The following ZNF652 variants were observed in gnomAD, a reference collection of about 807,000 sequenced individuals.
ZNF652 encodes zinc finger protein 652.
A neutral mutation model predicts 45.2 loss-of-function variants in ZNF652; 16 were observed. That is an observed-to-expected ratio of 0.35 (90% CI 0.24 to 0.54). ZNF652 has a LOEUF of 0.54. Among genes scored for constraint, ZNF652 ranks in the 20% least tolerant of loss-of-function variants. ZNF652 has a pLI of 0.91. For missense variants in ZNF652, 614 were observed against 765.6 expected (o/e 0.80, Z 2.34); for synonymous variants, 250 against 260.6 (o/e 0.96, Z 0.39).
At chr17:49,316,714 G>T (rs1352610849) in intron 2 of ZNF652, 112 bp downstream of exon 2, 6 of 1,141,634 alleles carry the variant, frequency 5.3e-6, no homozygotes, top group Non-Finnish European at 7.4e-6. Context: ...ATAAATTGGT[G>T]AAAACTGTCC....
chr17:49,344,518 ATTTT>A (rs35027750), intron 1 of ZNF652, among the ~76,000 whole-genome samples: 8 of 110,106 alleles, frequency 7.3e-5, no homozygotes, highest in Non-Finnish European at 1.1e-4. Flanking sequence ...TCAAAGCAAA[ATTTT>A]TTTTTTTTTT....
At chr17:49,322,833 C>T (rs904431945) in intron 1 of ZNF652, among the ~76,000 whole-genome samples, 10 of 152,144 alleles carry the variant, frequency 6.6e-5, no homozygotes, top group Non-Finnish European at 1.5e-4. Flanking sequence ...GGCAGTGAGC[C>T]AAGATCGTGC....
chr17:49,330,557 C>T (rs2070012110), intron 1 of ZNF652, among the ~76,000 whole-genome samples: 1 of 151,802 alleles, frequency 6.6e-6, no homozygotes, highest in African/African-American at 2.4e-5. Flanking sequence ...CTATGTTGCC[C>T]AGGCTGGTCT....
At position 49,290,025 on chromosome 17, in the gene ZNF652, CA is replaced by C. The variant is rs1407762459; in HGVS notation, c.*8387del. 2 of 152,292 alleles carry C rather than the reference CA, an allele frequency of 1.3e-5. No individual in the cohort carries two copies. The highest frequency in any genetic ancestry group is 3.9e-4 in the East Asian group (2 of 5,186). 9.4% of individuals were successfully genotyped at this position (152,292 alleles called of 1,614,324 possible). ...GTGATCTCAGTACTGTTGGGGAAAA[CA>C]AAAATAAAAACAAACAAGTTGCACC... is the stretch of plus-strand genomic sequence containing the variant. On this transcript the variant is annotated 3_prime_UTR_variant, in exon 6 of 6. Transcript: ENST00000430262.
downstream of ZNF652, chr17:49,288,458 A>G (rs751928803): frequency 1.3e-5 from 2 of 152,212 alleles, no homozygotes; most frequent in Non-Finnish European, 2.9e-5. Flanking sequence ...AAGGAACAAA[A>G]TCAGGTGGCT....
At chr17:49,336,309 T>C (rs7225318) in intron 1 of ZNF652, among the ~76,000 whole-genome samples, 114,284 of 147,512 alleles carry the variant, frequency 0.77, 44,425 homozygotes, top group African/African-American at 0.83. Context: ...AGGCATGAGC[T>C]GCCATGCCCA....
intron 1 of ZNF652, among the ~76,000 whole-genome samples, chr17:49,330,198 A>T (rs1418011988): frequency 6.6e-6 from 1 of 152,208 alleles, no homozygotes; most frequent in African/African-American, 2.4e-5. Flanking sequence ...CCAGAAGAAC[A>T]TATTTACAAG....
intron 1 of ZNF652, among the ~76,000 whole-genome samples, chr17:49,332,223 G>A (rs1322666764): frequency 6.6e-6 from 1 of 152,038 alleles, no homozygotes; most frequent in Non-Finnish European, 1.5e-5. Context: ...AGCTGAGATC[G>A]CACCACTGCA....
chr17:49,336,323 C>CT (rs771233496), intron 1 of ZNF652, among the ~76,000 whole-genome samples: 51,934 of 123,540 alleles, frequency 0.42, 11,609 homozygotes, highest in East Asian at 0.47. Context: ...ATGCCCAGCC[C>CT]TTTTTTTTTT....
rs1260072913 is a variant in ZNF652 at position 49,354,336 on chromosome 17, A to G, written c.-259+7573T>C. 2.6e-5 allele frequency among the ~76,000 whole-genome samples: 4 copies of G among 152,272 alleles called. No individual in the cohort carries two copies. In the South Asian group the frequency reaches 8.3e-4, roughly 32 times the overall value. ...AGGTAAAAATGTATCTACTTTTAAG[A>G]AAATTATACTGCTAAGTCTCTGCTG... On this transcript the variant is annotated intron_variant, in intron 1 of 5. Transcript: ENST00000430262.
chr17:49,324,734 CT>C (rs1185007907), intron 1 of ZNF652, among the ~76,000 whole-genome samples: 4,830 of 96,260 alleles, frequency 0.05, 57 homozygotes, highest in African/African-American at 0.066. Flanking sequence ...TGGGGTAGCA[CT>C]TTTTTTTTTT....
At chr17:49,360,914 T>C (rs2070385649) in intron 1 of ZNF652, among the ~76,000 whole-genome samples, 1 of 152,108 alleles carries the variant, frequency 6.6e-6, no homozygotes, top group African/African-American at 2.4e-5. Flanking sequence ...CCACGGGAGA[T>C]GCATGTAAGG....
intron 1 of ZNF652, among the ~76,000 whole-genome samples, chr17:49,341,972 G>C (rs1426397232): frequency 6.6e-6 from 1 of 152,182 alleles, no homozygotes; most frequent in Non-Finnish European, 1.5e-5. Flanking sequence ...GATCGCCTGA[G>C]ATCAGGAGTT....
chr17:49,318,205 G>A (rs2069837946), intron 1 of ZNF652, among the ~76,000 whole-genome samples: 1 of 152,108 alleles, frequency 6.6e-6, no homozygotes, highest in African/African-American at 2.4e-5. Flanking sequence ...AGCCTCCCGA[G>A]TAGCTGGGAT....
chr17:49,307,435 GAAAAAAAA>G (rs1175854049), intron 5 of ZNF652, among the ~76,000 whole-genome samples: 3 of 40,476 alleles, frequency 7.4e-5, no homozygotes, highest in South Asian at 1.3e-3. Context: ...TGTCTCAAAA[GAAAAAAAA>G]AAAAAAAAAA....
At chr17:49,323,984 C>T (rs1287430638) in intron 1 of ZNF652, among the ~76,000 whole-genome samples, 2 of 152,160 alleles carry the variant, frequency 1.3e-5, no homozygotes, top group African/African-American at 4.8e-5. Context: ...TCACCAGCTA[C>T]ATTAGCCCCT....
chr17:49,330,937 C>A (rs926244761), intron 1 of ZNF652, among the ~76,000 whole-genome samples: 2 of 150,854 alleles, frequency 1.3e-5, no homozygotes, highest in South Asian at 2.1e-4. Context: ...ATTAGCTGGG[C>A]GTGGTGACAC....
intron 1 of ZNF652, among the ~76,000 whole-genome samples, chr17:49,330,583 A>T (rs1175663170): frequency 6.6e-6 from 1 of 151,876 alleles, no homozygotes; most frequent in East Asian, 1.9e-4. Context: ...TCCTGGTCTC[A>T]GGTGATCCAC....
chr17:49,339,197 ATTTT>A (rs34574898), intron 1 of ZNF652, among the ~76,000 whole-genome samples: 4 of 119,534 alleles, frequency 3.3e-5, no homozygotes, highest in South Asian at 2.6e-4. Flanking sequence ...GAGTTAGGAA[ATTTT>A]TTTTTTTTTT....
Sources: allele counts gnomAD v4.1 joint callset (sites outside exome capture counted in the v4.1 genomes callset), GRCh38; gene constraint gnomAD v4.1.1; transcripts MANE v1.5; gene names NCBI Gene and HGNC (gene_info 2026-07-23, HGNC 2026-07-21).